Variants in VPS13C observed in about 807,000 individuals in gnomAD.
VPS13C encodes intermembrane lipid transfer protein VPS13C.
VPS13C carries 358 observed loss-of-function variants against 456.8 expected under a neutral mutation model. That is an observed-to-expected ratio of 0.78 (90% confidence interval 0.72 to 0.86). The LOEUF (loss-of-function observed/expected upper bound fraction) is 0.86. VPS13C is among the 40% of genes least tolerant of loss of function. The pLI is 0.00. For missense variants in VPS13C, 4,818 were observed against 4,385.4 expected (o/e 1.10, Z -2.79); for synonymous variants, 1,578 against 1,486.7 (o/e 1.06, Z -1.41).
At chr15:62,000,301 G>A (rs941023574) in intron 16 of VPS13C, among the ~76,000 whole-genome samples, 8 of 152,092 alleles carry the variant, frequency 5.3e-5, no homozygotes, top group African/African-American at 1.9e-4. Context: ...GGAGGCAGAG[G>A]CTGCAGCGAG....
intron 66 of VPS13C, among the ~76,000 whole-genome samples, chr15:61,891,717 A>G (rs2042657179): frequency 6.6e-6 from 1 of 152,176 alleles, no homozygotes; most frequent in Non-Finnish European, 1.5e-5. Context: ...TCATATTATC[A>G]TTATCTATTT....
chr15:62,035,096 C>G (rs767010633), intron 3 of VPS13C, 44 bp from the exon 4 acceptor site: 3 of 1,410,830 alleles, frequency 2.1e-6, no homozygotes, highest in South Asian at 1.2e-5. Flanking sequence ...TTTGACTGCT[C>G]AAGAACACAA....
intron 53 of VPS13C, among the ~76,000 whole-genome samples, chr15:61,923,877 T>C (rs2043746963): frequency 7.8e-6 from 1 of 127,614 alleles, no homozygotes; most frequent in Admixed American, 7.9e-5. Context: ...TTTTTTTTTT[T>C]TTTTTTGAGA....
At chr15:62,006,281 T>C (rs1215897416) in intron 15 of VPS13C, among the ~76,000 whole-genome samples, 2 of 151,354 alleles carry the variant, frequency 1.3e-5, no homozygotes, top group East Asian at 2.0e-4. Context: ...CAGTCCCCGG[T>C]GTGTGATGTT....
At chr15:61,930,401 C>T (rs1228195539) in intron 50 of VPS13C, among the ~76,000 whole-genome samples, 4 of 152,128 alleles carry the variant, frequency 2.6e-5, no homozygotes, top group Non-Finnish European at 5.9e-5. Context: ...CAGCACTCTT[C>T]CCTCATTTAT....
In VPS13C at chr15:61,959,597, T is replaced by A. The variant is rs2045126563; in HGVS notation, c.3909-2A>T. The A allele has an allele frequency of 1.2e-6, 2 of 1,608,280 alleles. No homozygotes were observed. Among genetic ancestry groups the A allele is most frequent in the East Asian group, 4.5e-5 (2 of 44,758 alleles). ...TAGATGCCTGGCTGGATCACTGTCCTACGAAAAACAGAAATGTTACATAAT... is the reference window on the plus strand; with the variant it reads ...TAGATGCCTGGCTGGATCACTGTCCAACGAAAAACAGAAATGTTACATAAT... On this transcript the variant is annotated splice_acceptor_variant, in intron 35 of 84. Transcript: ENST00000644861. LOFTEE classifies it high-confidence loss of function.
At chr15:61,926,479 T>C (rs2043853801) in intron 52 of VPS13C, among the ~76,000 whole-genome samples, 1 of 152,308 alleles carries the variant, frequency 6.6e-6, no homozygotes, top group Middle Eastern at 3.4e-3. Context: ...TCAAAGAATA[T>C]TTCATGATAA....
At chr15:61,906,087 G>A (rs2043144169) in intron 66 of VPS13C, among the ~76,000 whole-genome samples, 1 of 151,986 alleles carries the variant, frequency 6.6e-6, no homozygotes, top group Non-Finnish European at 1.5e-5. Context: ...GCCCATGTTG[G>A]GGTTTTTTCT....
intron 18 of VPS13C, among the ~76,000 whole-genome samples, chr15:61,986,840 A>G (rs927692016): frequency 2.0e-5 from 3 of 152,148 alleles, no homozygotes; most frequent in African/African-American, 7.2e-5. Flanking sequence ...TTATACCTTC[A>G]AAACTCAGAA....
At chr15:61,923,207 T>TG (rs1037119497) in intron 53 of VPS13C, among the ~76,000 whole-genome samples, 3 of 109,578 alleles carry the variant, frequency 2.7e-5, no homozygotes, top group East Asian at 2.8e-4. Context: ...CAAGATCTTC[T>TG]GAAAAAAAAA....
In VPS13C at chr15:61,880,909, T is replaced by C. The variant is rs2140903345; in HGVS notation, c.9822A>G (p.Gln3274=). The change falls in exon 72 of 85, where the codon CAA becomes CAG. Residue 3274 remains glutamine (Q), a synonymous_variant. Coordinates refer to ENST00000644861, the MANE Select transcript of VPS13C (RefSeq NM_020821.3). Reference sequence around the variant, plus strand: ...GTGCAATAATAGCTCCTAGAAACCCTTGATCAATTTTTAAGGCCATTTCCT... The same window carrying C: ...GTGCAATAATAGCTCCTAGAAACCCCTGATCAATTTTTAAGGCCATTTCCT... ...LIQEMALKID[Q]GFLGAIIALF... 1.2e-6 allele frequency: 2 copies of C among 1,610,458 alleles called. No homozygotes were observed. Among genetic ancestry groups the C allele is most frequent in the South Asian group, 1.1e-5 (1 of 90,220 alleles).
At chr15:61,914,648 C>T (rs568251193) in intron 61 of VPS13C, among the ~76,000 whole-genome samples, 111 of 151,310 alleles carry the variant, frequency 7.3e-4, no homozygotes, top group African/African-American at 2.6e-3. Context: ...GCAACCTCTG[C>T]CTCCCGGGTT....
At chr15:62,045,941 AG>A (rs1406497430) in intron 1 of VPS13C, among the ~76,000 whole-genome samples, 3 of 152,306 alleles carry the variant, frequency 2.0e-5, no homozygotes, top group African/African-American at 7.2e-5. Context: ...TAAATTTAAA[AG>A]TATCTATATA....
chr15:61,918,323 C>G lies in VPS13C; in HGVS notation c.7639-66G>C, dbSNP rs960929166. ...TAAGTTCGAAAGAAAAAATGAGAGC[C>G]ACAAACAAATACTTTTAGATCTAAA... On this transcript the variant is annotated intron_variant, in intron 58 of 84. Transcript: ENST00000644861. The G allele has an allele frequency of 2.3e-5, 31 of 1,365,022 alleles. No individual in the cohort carries two copies. In the African/African-American group the frequency reaches 3.5e-4, roughly 15 times the overall value. The allele number at this position is 1,365,022 out of a possible 1,614,324, so 84.6% of individuals were successfully genotyped here.
Position 61,923,861 on chromosome 15 carries a change from C to CTTTTTTTTTTTTTTTT in VPS13C, c.6610-1115_6610-1100dup, listed in dbSNP as rs1188960583. Among the ~76,000 whole-genome samples the CTTTTTTTTTTTTTTTT allele has an allele frequency of 2.4e-4, 18 of 75,146 alleles. 3 individuals are homozygous for CTTTTTTTTTTTTTTTT. The highest frequency in any genetic ancestry group is 3.4e-4 in the Non-Finnish European group (14 of 41,044). 49.3% of individuals were successfully genotyped at this position (75,146 alleles called of 152,430 possible). On this transcript the variant is annotated intron_variant, in intron 53 of 84. Transcript: ENST00000644861. ...GCCATATGTGACCACCCCTCTAAATCTTTTTTTTTTTTTTTTTTTTTTGAG... is the reference window on the plus strand; with the variant it reads ...GCCATATGTGACCACCCCTCTAAATCTTTTTTTTTTTTTTTTTTTTTTTTTTTTTTTTTTTTTTGAG...
intron 49 of VPS13C, 131 bp downstream of exon 49, chr15:61,934,088 T>C (rs2044146994): frequency 2.0e-6 from 1 of 493,432 alleles, no homozygotes. Flanking sequence ...GCACATTCTG[T>C]AGGCCAAATA....
At chr15:61,994,202 C>A (rs1206895623) in intron 16 of VPS13C, among the ~76,000 whole-genome samples, 1 of 152,140 alleles carries the variant, frequency 6.6e-6, no homozygotes, top group African/African-American at 2.4e-5. Context: ...GATCAAATTG[C>A]CTTCTCTTCT....
chr15:61,978,570 A>G (rs2045780494), intron 23 of VPS13C, 56 bp downstream of exon 23: 3 of 1,580,442 alleles, frequency 1.9e-6, no homozygotes, highest in East Asian at 2.2e-5. Context: ...ATACACGTAT[A>G]TTACACAAAC....
At chr15:61,948,482 G>A (rs938107820) in intron 42 of VPS13C, among the ~76,000 whole-genome samples, 1 of 151,982 alleles carries the variant, frequency 6.6e-6, no homozygotes, top group Non-Finnish European at 1.5e-5. Context: ...AGGAGTTCAC[G>A]ACCAGCCTGC....
Sources: allele counts gnomAD v4.1 joint callset (sites outside exome capture counted in the v4.1 genomes callset), GRCh38; gene constraint gnomAD v4.1.1; transcripts MANE v1.5; gene names NCBI Gene and HGNC (gene_info 2026-07-23, HGNC 2026-07-21).